The following RSRC1 variants were observed in gnomAD, a reference collection of about 807,000 sequenced individuals.
RSRC1 encodes serine/Arginine-related protein 53.
RSRC1 carries 39 observed loss-of-function variants against 49.1 expected under a neutral mutation model. That is an observed-to-expected ratio of 0.79 (90% CI 0.61 to 1.04). The LOEUF is 1.04. Among genes scored for constraint, RSRC1 ranks in the 50% least tolerant of loss-of-function variants. The pLI is 0.00. For synonymous variants in RSRC1, 143 were observed against 130.8 expected (o/e 1.09, Z -0.63); for missense variants, 388 against 402.4 (o/e 0.96, Z 0.31).
intron 6 of RSRC1, among the ~76,000 whole-genome samples, chr3:158,426,438 G>C (rs1445576609): frequency 1.3e-5 from 2 of 151,498 alleles, no homozygotes; most frequent in Admixed American, 1.3e-4. Flanking sequence ...AACTCTAGTG[G>C]TCAGTTTTTA....
intron 5 of RSRC1, among the ~76,000 whole-genome samples, chr3:158,327,719 G>T (rs1186094514): frequency 6.6e-6 from 1 of 152,136 alleles, no homozygotes; most frequent in Non-Finnish European, 1.5e-5. Flanking sequence ...TTGATTTGGG[G>T]TGGAGAGTTC....
intron 3 of RSRC1, among the ~76,000 whole-genome samples, chr3:158,180,716 C>T (rs2108251865): frequency 6.6e-6 from 1 of 151,746 alleles, no homozygotes; most frequent in South Asian, 2.1e-4. Flanking sequence ...GATTCGCCTG[C>T]CTCGGCCTCC....
Position 158,517,802 on chromosome 3 carries a change from A to G in RSRC1, c.653-19290A>G, listed in dbSNP as rs1425153807. ...TTTTTTTTTTTTTTTTTGTTGAGAC[A>G]GGGTCTGACCAGGTTGGTCTTGAAA... On this transcript the variant is annotated intron_variant, in intron 7 of 9. Transcript: ENST00000611884. Among the ~76,000 whole-genome samples the G allele has an allele frequency of 2.7e-5, 3 of 110,310 alleles. No individual in the cohort carries two copies. In the East Asian group the frequency reaches 8.5e-4, roughly 31 times the overall value. The allele number at this position is 110,310 out of a possible 152,430, so 72.4% of individuals were successfully genotyped here.
At chr3:158,202,526 T>C (rs1329175776) in intron 3 of RSRC1, among the ~76,000 whole-genome samples, 2 of 121,318 alleles carry the variant, frequency 1.6e-5, no homozygotes, top group African/African-American at 6.5e-5. Flanking sequence ...CTGAGTTGTT[T>C]TTAAAAATTA....
chr3:158,448,791 A>G (rs889299413), intron 6 of RSRC1, among the ~76,000 whole-genome samples: 30 of 151,926 alleles, frequency 2.0e-4, no homozygotes, highest in African/African-American at 7.0e-4. Flanking sequence ...AATCTTTGCT[A>G]GTTTGGGTAA....
At chr3:158,325,631 G>A (rs967520099) in intron 5 of RSRC1, among the ~76,000 whole-genome samples, 2 of 152,116 alleles carry the variant, frequency 1.3e-5, no homozygotes, top group East Asian at 1.9e-4. Context: ...GGTTACTGTA[G>A]CCTTGTAGTA....
chr3:158,354,987 T>TAA (rs5853823), intron 6 of RSRC1, 79 bp downstream of exon 6: 143 of 697,500 alleles, frequency 2.1e-4, no homozygotes, highest in South Asian at 3.5e-4. Context: ...TAGAAATGAG[T>TAA]AAAAAAAAAA....
intron 1 of RSRC1, among the ~76,000 whole-genome samples, chr3:158,115,228 T>C (rs1410799928): frequency 6.6e-6 from 1 of 152,204 alleles, no homozygotes; most frequent in African/African-American, 2.4e-5. Context: ...CAACCAGCCT[T>C]CTATTATGGA....
intron 4 of RSRC1, among the ~76,000 whole-genome samples, chr3:158,219,568 T>C (rs572143636): frequency 6.6e-6 from 1 of 151,746 alleles, no homozygotes; most frequent in Non-Finnish European, 1.5e-5. Flanking sequence ...GATCTTTAGT[T>C]CATTCTGGCT....
In RSRC1 at chr3:158,353,995, C is replaced by CTTTTT. The variant is rs1230649090; in HGVS notation, c.532-845_532-841dup. The stretch of plus-strand genomic sequence containing the variant: ...TAGGAAATTAGTTTAGTTTCTTTTT[C>CTTTTT]TTTTTTTTTTTTTTTTTTTTTGAGA... On this transcript the variant is annotated intron_variant, in intron 5 of 9. Coordinates refer to ENST00000611884, the MANE Select transcript of RSRC1 (RefSeq NM_001271838.2). Among the ~76,000 whole-genome samples, 520 of 96,276 alleles carry CTTTTT rather than the reference C, an allele frequency of 5.4e-3. 10 individuals are homozygous for CTTTTT. Among genetic ancestry groups the CTTTTT allele is most frequent in the African/African-American group, 6.4e-3 (156 of 24,278 alleles). 63.2% of individuals were successfully genotyped at this position (96,276 alleles called of 152,430 possible). A position where few individuals can be genotyped will look rare whatever the true frequency, so the allele number is the denominator to read the frequency against.
intron 7 of RSRC1, among the ~76,000 whole-genome samples, chr3:158,515,745 G>T (rs371983935): frequency 2.7e-5 from 4 of 150,094 alleles, no homozygotes; most frequent in African/African-American, 9.9e-5. Context: ...CCAATCAGAC[G>T]TAGATTTGGT....
At chr3:158,415,878 A>T (rs967349176) in intron 6 of RSRC1, among the ~76,000 whole-genome samples, 14 of 152,006 alleles carry the variant, frequency 9.2e-5, no homozygotes, top group African/African-American at 3.4e-4. Flanking sequence ...ACAGATTTGC[A>T]TTGATTATTC....
intron 3 of RSRC1, among the ~76,000 whole-genome samples, chr3:158,177,046 C>T (rs1719264598): frequency 6.6e-6 from 1 of 152,320 alleles, no homozygotes; most frequent in South Asian, 2.1e-4. Flanking sequence ...AAAAAATGCT[C>T]ATCATTACTG....
chr3:158,148,454 A>G (rs1717307188), intron 3 of RSRC1, among the ~76,000 whole-genome samples: 1 of 152,074 alleles, frequency 6.6e-6, no homozygotes, highest in South Asian at 2.1e-4. Flanking sequence ...AGATATCAAT[A>G]GTGTTAGATT....
chr3:158,318,029 G>A (rs1363976193), intron 5 of RSRC1, among the ~76,000 whole-genome samples: 9 of 47,136 alleles, frequency 1.9e-4, no homozygotes, highest in South Asian at 1.1e-3. Context: ...GTGTGTGCGT[G>A]TGTGTGTGTG....
Position 158,167,721 on chromosome 3 carries a change from C to T in RSRC1, c.321-35351C>T, listed in dbSNP as rs138064703. The stretch of plus-strand genomic sequence containing the variant: ...TGTTGGCTTTCATCTGTATATTTAA[C>T]TACACTGGTAAATAATTAGATATAT... On this transcript the variant is annotated intron_variant, in intron 3 of 9. Coordinates refer to ENST00000611884, the MANE Select transcript of RSRC1 (RefSeq NM_001271838.2). 5.5e-3 allele frequency among the ~76,000 whole-genome samples: 837 copies of T among 152,252 alleles called. 8 individuals carry two copies. Among genetic ancestry groups the T allele is most frequent in the African/African-American group, 0.019 (800 of 41,540 alleles).
intron 5 of RSRC1, among the ~76,000 whole-genome samples, chr3:158,309,600 G>C (rs1728020009): frequency 6.6e-6 from 1 of 151,706 alleles, no homozygotes; most frequent in African/African-American, 2.4e-5. Flanking sequence ...TGGATTAGAA[G>C]TACATTGCTA....
At chr3:158,210,074 A>G (rs1197351450) in intron 4 of RSRC1, among the ~76,000 whole-genome samples, 1 of 152,134 alleles carries the variant, frequency 6.6e-6, no homozygotes, top group Non-Finnish European at 1.5e-5. Flanking sequence ...CAGCAGTTAC[A>G]TACTTATAGA....
At chr3:158,307,142 T>G (rs921743901) in intron 5 of RSRC1, among the ~76,000 whole-genome samples, 5 of 151,854 alleles carry the variant, frequency 3.3e-5, no homozygotes, top group Admixed American at 3.3e-4. Flanking sequence ...GTTTGTTTGT[T>G]TTTTTTACTG....
Sources: gnomAD v4.1 joint callset for allele counts (sites outside exome capture counted in the v4.1 genomes callset) on GRCh38, gnomAD v4.1.1 for gene constraint, MANE v1.5 for transcripts, NCBI Gene and HGNC (gene_info 2026-07-23, HGNC 2026-07-21) for gene names.